Variants in FAT3 observed in about 807,000 individuals in gnomAD.
The protein encoded by FAT3 is protocadherin Fat 3.
A neutral mutation model predicts 310.2 loss-of-function variants in FAT3; 95 were observed. The ratio of observed to expected loss-of-function variants is 0.31; its 90% CI spans 0.26 to 0.36. The LOEUF is 0.36. Ranked by LOEUF, FAT3 falls within the 10% of genes least tolerant of loss-of-function variation. FAT3 has a pLI of 1.00. For synonymous variants in FAT3, 2,314 were observed against 2,192.9 expected (o/e 1.06, Z -1.54); for missense variants, 5,408 against 5,715.6 (o/e 0.95, Z 1.74).
rs755827164 is a variant in FAT3 at position 92,844,310 on chromosome 11, C to T, written c.10943C>T (p.Thr3648Ile). The T allele has an allele frequency of 2.7e-5, 43 of 1,613,872 alleles. No homozygotes were observed. Among genetic ancestry groups the T allele is most frequent in the Admixed American group, 2.3e-4 (14 of 60,004 alleles). ...TTGGTGCATGAGATGCTGCAGAACA[C>T]TGTCACCATCCGCTTTGAAAATGTG... The part of the protein sequence containing the change: ...EQLVHEMLQN[T>I]VTIRFENVSP... The change falls in exon 19 of 28, where the codon ACT becomes ATT. Residue 3648 changes from threonine (T) to isoleucine (I), a missense_variant. Physicochemically the swap from Thr to Ile is moderately conservative, Grantham distance 89. Transcript: ENST00000525166.
intron 9 of FAT3, among the ~76,000 whole-genome samples, chr11:92,795,015 C>G (rs115059925): frequency 0.01 from 1,536 of 152,270 alleles, 33 homozygotes; most frequent in African/African-American, 0.035. Context: ...AGATTTCACT[C>G]TGTTTATTGG....
At chr11:92,594,889 C>T (rs755930115) in intron 3 of FAT3, among the ~76,000 whole-genome samples, 19 of 151,460 alleles carry the variant, frequency 1.3e-4, no homozygotes, top group Non-Finnish European at 1.8e-4. Flanking sequence ...AGATTGCTTA[C>T]GGGAGAAAAA....
At chr11:92,446,643 T>A (rs942906184) in intron 2 of FAT3, among the ~76,000 whole-genome samples, 16 of 152,140 alleles carry the variant, frequency 1.1e-4, no homozygotes, top group Admixed American at 9.2e-4. Flanking sequence ...AAAGAAGACA[T>A]ACTACCATTT....
rs1008313341 is a variant in FAT3, at chr11:92,233,326, G to A, written c.-18+8152G>A. On this transcript the variant is annotated intron_variant, in intron 1 of 27. Transcript: ENST00000525166. ...TCAGAGCTATTTAAAGTAATCTAGC[G>A]TTCCATCTTTCCTGTAGACATAGCA... is the stretch of plus-strand genomic sequence containing the variant. 5.3e-5 allele frequency among the ~76,000 whole-genome samples: 8 copies of A among 152,174 alleles called. 1 individual carries two copies. The South Asian group carries it at 1.2e-3, about 24-fold the overall frequency.
At chr11:92,255,219 A>C (rs1865269597) in intron 1 of FAT3, among the ~76,000 whole-genome samples, 2 of 152,018 alleles carry the variant, frequency 1.3e-5, no homozygotes, top group African/African-American at 4.8e-5. Context: ...GTCCCCTCAC[A>C]GGCCCCTCCC....
intron 22 of FAT3, among the ~76,000 whole-genome samples, chr11:92,871,696 C>T (rs749283605): frequency 4.6e-5 from 7 of 152,182 alleles, no homozygotes; most frequent in Non-Finnish European, 7.3e-5. Flanking sequence ...CATTTCTGAA[C>T]TTTCCTACCG....
intron 5 of FAT3, 112 bp downstream of exon 5, chr11:92,762,282 A>G (rs1355241471): frequency 9.1e-7 from 1 of 1,100,822 alleles, no homozygotes; most frequent in Non-Finnish European, 1.3e-6. Flanking sequence ...GAAGCCACAC[A>G]GCTGTGGAAG....
chr11:92,460,064 T>C (rs1479725406), intron 2 of FAT3, among the ~76,000 whole-genome samples: 1 of 152,170 alleles, frequency 6.6e-6, no homozygotes, highest in African/African-American at 2.4e-5. Flanking sequence ...AAAAAGCAGC[T>C]GTTCTCTGTC....
intron 21 of FAT3, among the ~76,000 whole-genome samples, chr11:92,861,404 A>G (rs1949119646): frequency 6.6e-6 from 1 of 152,234 alleles, no homozygotes; most frequent in African/African-American, 2.4e-5. Flanking sequence ...AAATGTGCAG[A>G]TCCCAGAGGA....
At chr11:92,476,696 C>T (rs1381413831) in intron 2 of FAT3, among the ~76,000 whole-genome samples, 1 of 152,150 alleles carries the variant, frequency 6.6e-6, no homozygotes, top group Non-Finnish European at 1.5e-5. Context: ...CGAAGACACT[C>T]AGAGTGCTTG....
At chr11:92,290,621 G>A (rs569764276) in intron 1 of FAT3, among the ~76,000 whole-genome samples, 4 of 151,588 alleles carry the variant, frequency 2.6e-5, no homozygotes, top group South Asian at 2.1e-4. Flanking sequence ...AAAATTAGCC[G>A]GTCTTGGTGG....
At chr11:92,334,377 TA>T (rs1272757179) in intron 1 of FAT3, among the ~76,000 whole-genome samples, 1 of 152,050 alleles carries the variant, frequency 6.6e-6, no homozygotes, top group Non-Finnish European at 1.5e-5. Context: ...CCTGTCTCAA[TA>T]AAAAGGGAGA....
chr11:92,799,575 A>G lies in FAT3; in HGVS notation c.6562A>G (p.Lys2188Glu), dbSNP rs768131642. ...CAACAAAGCAATGCCTGTGTTTGATAAGCCCTTTTATACAGCATCTGTCAA... is the reference window on the plus strand; with the variant it reads ...CAACAAAGCAATGCCTGTGTTTGATGAGCCCTTTTATACAGCATCTGTCAA... ...IVNKAMPVFD[K>E]PFYTASVNED... is the part of the protein sequence containing the mutation. The change falls in exon 10 of 28, where the codon AAG (lysine) becomes GAG (glutamate). Residue 2188 changes from lysine to glutamate, a missense_variant. Coordinates refer to ENST00000525166, the MANE Select transcript of FAT3 (RefSeq NM_001367949.2). 10 of 1,613,686 alleles carry G rather than the reference A, an allele frequency of 6.2e-6. No homozygotes were observed. The highest frequency in any genetic ancestry group is 5.3e-5 in the African/African-American group (4 of 74,902).
intron 7 of FAT3, among the ~76,000 whole-genome samples, chr11:92,785,619 G>T (rs1946870736): frequency 6.6e-6 from 1 of 152,002 alleles, no homozygotes; most frequent in Non-Finnish European, 1.5e-5. Flanking sequence ...TCTATTTAGG[G>T]TAGTACATAT....
chr11:92,228,985 A>G (rs1283114242), intron 1 of FAT3, among the ~76,000 whole-genome samples: 2 of 152,182 alleles, frequency 1.3e-5, no homozygotes, highest in East Asian at 1.9e-4. Context: ...AAGAAGGACT[A>G]TTGATGAACC....
chr11:92,820,452 G>A (rs1379186465), intron 13 of FAT3, among the ~76,000 whole-genome samples: 1 of 152,030 alleles, frequency 6.6e-6, no homozygotes, highest in South Asian at 2.1e-4. Context: ...GGAGATTAGG[G>A]CCTCAACATA....
At chr11:92,640,376 A>G (rs1477192022) in intron 3 of FAT3, among the ~76,000 whole-genome samples, 1 of 152,190 alleles carries the variant, frequency 6.6e-6, no homozygotes, top group Non-Finnish European at 1.5e-5. Context: ...ATATGATAGT[A>G]CATTCCTCAG....
In FAT3 at chr11:92,567,478, C is replaced by A. The variant is rs532786814; in HGVS notation, c.3607+42530C>A. ...TCAACCATTGTGGAAGTCAGTGTGG[C>A]GATTCCTCAGGGATCTAGAACTAGA... On this transcript the variant is annotated intron_variant, in intron 3 of 27. Transcript: ENST00000525166. 3.3e-5 allele frequency among the ~76,000 whole-genome samples: 5 copies of A among 149,470 alleles called. No homozygotes were observed. In the East Asian group the frequency reaches 6.0e-4, roughly 18 times the overall value.
intron 2 of FAT3, among the ~76,000 whole-genome samples, chr11:92,423,957 G>A (rs1950580218): frequency 1.3e-5 from 2 of 152,236 alleles, no homozygotes; most frequent in Middle Eastern, 3.4e-3. Context: ...CTAGACTAGT[G>A]TTTGATCCAA....
Sources: gnomAD v4.1 joint callset for allele counts (sites outside exome capture counted in the v4.1 genomes callset) on GRCh38, gnomAD v4.1.1 for gene constraint, MANE v1.5 for transcripts, NCBI Gene and HGNC (gene_info 2026-07-23, HGNC 2026-07-21) for gene names.